The following LAMA1 variants were observed in gnomAD, a reference collection of about 807,000 sequenced individuals.
The protein encoded by LAMA1 is laminin subunit alpha 1.
A neutral mutation model predicts 348.7 loss-of-function variants in LAMA1; 219 were observed. The observed-to-expected ratio is 0.63, with a 90% CI of 0.56 to 0.70. The LOEUF (loss-of-function observed/expected upper bound fraction) is 0.70. Among genes scored for constraint, LAMA1 ranks in the 30% least tolerant of loss-of-function variants. The pLI is 0.00. For missense variants in LAMA1, 3,744 were observed against 3,888.0 expected, an observed-to-expected ratio of 0.96 and a Z score of 0.99; for synonymous variants, 1,487 against 1,491.0, an observed-to-expected ratio of 1.00 and a Z score of 0.06.
chr18:7,092,508 G>T (rs756127801), intron 1 of LAMA1, among the ~76,000 whole-genome samples: 1 of 151,694 alleles, frequency 6.6e-6, no homozygotes, highest in Non-Finnish European at 1.5e-5. Flanking sequence ...CACTGTAGTC[G>T]CCGCTACTCG....
chr18:6,980,591 A>C lies in LAMA1; in HGVS notation c.5937T>G (p.Phe1979Leu). The C allele has an allele frequency of 6.2e-7, 1 of 1,613,580 alleles. No homozygotes were observed. The change falls in exon 42 of 63, where the codon TTT (phenylalanine) becomes TTG (leucine). Residue 1979 changes from phenylalanine (F) to leucine (L), a missense_variant. This residue lies in a region of LAMA1 where 1,983 missense variants were observed against 1,934.3 expected (regional missense o/e 1.03). Transcript: ENST00000389658. ...LSELRNKTNR[F>L]QENAVEITRQ... Reference sequence around the variant, plus strand: ...TGGTAATTTCAACAGCATTCTCTTGAAATCTGTTTGTCTTATTTCTCAATT... The same window carrying C: ...TGGTAATTTCAACAGCATTCTCTTGCAATCTGTTTGTCTTATTTCTCAATT...
chr18:7,023,496 T>A, intron 18 of LAMA1, 121 bp from the exon 19 acceptor site: 1 of 844,818 alleles, frequency 1.2e-6, no homozygotes, highest in Non-Finnish European at 2.0e-6. Flanking sequence ...AGATTTACTG[T>A]GAAAGGGATA....
At chr18:7,002,236 C>A in intron 30 of LAMA1, 28 bp downstream of exon 30, 1 of 1,608,398 alleles carries the variant, frequency 6.2e-7, no homozygotes, top group Non-Finnish European at 8.5e-7. Context: ...GGCAGCCCAG[C>A]ATGCCAGCTG....
At chr18:6,963,822 C>T (rs2057620175) in intron 51 of LAMA1, 2 of 152,144 alleles carry the variant, frequency 1.3e-5, no homozygotes, top group South Asian at 4.1e-4. Context: ...GGACAATGAA[C>T]CAGCCACACA....
At chr18:7,114,656 G>A (rs1001758628) in intron 1 of LAMA1, among the ~76,000 whole-genome samples, 8 of 152,056 alleles carry the variant, frequency 5.3e-5, no homozygotes, top group African/African-American at 1.4e-4. Context: ...TAAAACACAC[G>A]TTATGTCCCC....
At chr18:7,080,196 A>G (rs2058187268) in intron 2 of LAMA1, 91 bp downstream of exon 2, 6 of 1,590,804 alleles carry the variant, frequency 3.8e-6, no homozygotes, top group African/African-American at 2.7e-5. Context: ...GGTGAACACA[A>G]TGTTTATGGC....
At chr18:6,976,147 A>C (rs2057681242) in intron 44 of LAMA1, 67 bp from the exon 45 acceptor site, 2 of 1,495,042 alleles carry the variant, frequency 1.3e-6, no homozygotes, top group Non-Finnish European at 1.9e-6. Flanking sequence ...CCAGCAGCTC[A>C]ACAATGCTAT....
At chr18:7,045,760 T>G (rs1240524451) in intron 6 of LAMA1, among the ~76,000 whole-genome samples, 1 of 152,038 alleles carries the variant, frequency 6.6e-6, no homozygotes, top group African/African-American at 2.4e-5. Context: ...GGTTTTGCCA[T>G]GTTGGCCAGA....
Position 6,953,243 on chromosome 18 carries a change from T to C in LAMA1, c.8207+2110A>G, listed in dbSNP as rs537858825. Among the ~76,000 whole-genome samples, 68 of 152,382 alleles carry C rather than the reference T, an allele frequency of 4.5e-4. 2 individuals carry two copies. Among genetic ancestry groups the C allele is most frequent in the Admixed American group, 7.8e-4 (12 of 15,304 alleles). The stretch of plus-strand genomic sequence containing the variant: ...CCACACCATAGGAGCCATGGGCCCA[T>C]TGGTCACTTTATAGCTGTCTAGGTT... On this transcript the variant is annotated intron_variant, in intron 57 of 62. Transcript: ENST00000389658.
At chr18:7,053,764 A>C (rs574325048) in intron 3 of LAMA1, among the ~76,000 whole-genome samples, 50 of 149,414 alleles carry the variant, frequency 3.3e-4, no homozygotes, top group Non-Finnish European at 6.8e-4. Flanking sequence ...TTTTATGACA[A>C]CTCCCTCATT....
intron 1 of LAMA1, among the ~76,000 whole-genome samples, chr18:7,090,163 C>T (rs1261973516): frequency 6.6e-6 from 1 of 152,132 alleles, no homozygotes; most frequent in East Asian, 1.9e-4. Context: ...AATTCTGTTT[C>T]CAGTTATTTG....
intron 1 of LAMA1, among the ~76,000 whole-genome samples, chr18:7,084,644 A>G (rs2058207653): frequency 6.6e-6 from 1 of 152,108 alleles, no homozygotes; most frequent in African/African-American, 2.4e-5. Flanking sequence ...ATTCCTTCTC[A>G]CTCACTAGCA....
At position 6,948,447 on chromosome 18, in the gene LAMA1, G is replaced by T; in HGVS notation, c.8666C>A (p.Ala2889Asp). ...AFTVNRCYAV[A>D]QEGTYFDGSG... Reference sequence around the variant, plus strand: ...TCCGTCAAAGTATGTTCCTTCCTGGGCCACTGCGTAGCACCTGTTCACCGT... The same window carrying T: ...TCCGTCAAAGTATGTTCCTTCCTGGTCCACTGCGTAGCACCTGTTCACCGT... The change falls in exon 60 of 63, where the codon GCC (alanine) becomes GAC (aspartate). Residue 2889 changes from alanine to aspartate, a missense_variant. Physicochemically the swap from Ala to Asp is moderately radical, Grantham distance 126. This residue lies in a region of LAMA1 where 232 missense variants were observed against 264.4 expected (regional missense o/e 0.88). Transcript: ENST00000389658. 3 of 1,614,122 alleles carry T rather than the reference G, an allele frequency of 1.9e-6. No homozygotes were observed. The highest frequency in any genetic ancestry group is 2.5e-6 in the Non-Finnish European group (3 of 1,180,028).
intron 3 of LAMA1, among the ~76,000 whole-genome samples, chr18:7,059,858 G>C (rs2058096049): frequency 1.3e-5 from 2 of 152,232 alleles, no homozygotes; most frequent in Non-Finnish European, 2.9e-5. Flanking sequence ...ACAGTTAAGT[G>C]CATTTGATAA....
At chr18:7,106,928 C>T (rs916202831) in intron 1 of LAMA1, among the ~76,000 whole-genome samples, 5 of 151,956 alleles carry the variant, frequency 3.3e-5, no homozygotes, top group South Asian at 2.1e-4. Context: ...AAGCTGACCC[C>T]GCACCTCCAA....
chr18:7,031,817 A>C (rs2057970455), intron 16 of LAMA1, among the ~76,000 whole-genome samples: 1 of 151,906 alleles, frequency 6.6e-6, no homozygotes, highest in Non-Finnish European at 1.5e-5. Flanking sequence ...ATATTAATCT[A>C]ATAAAAAGAA....
chr18:7,015,568 C>G (rs1454923359), intron 22 of LAMA1, among the ~76,000 whole-genome samples, 154 bp downstream of exon 22: 1 of 150,648 alleles, frequency 6.6e-6, no homozygotes, highest in Admixed American at 6.6e-5. Context: ...GTGTGAGCCA[C>G]TGTGCCTGGC....
intron 30 of LAMA1, among the ~76,000 whole-genome samples, chr18:7,001,160 C>T (rs13381425): frequency 0.088 from 13,370 of 152,164 alleles, 733 homozygotes; most frequent in African/African-American, 0.15. Context: ...AAAATGGCAT[C>T]ACACTCCATA....
intron 61 of LAMA1, among the ~76,000 whole-genome samples, chr18:6,943,955 G>A (rs1001132366): frequency 2.3e-4 from 35 of 151,862 alleles, no homozygotes; most frequent in African/African-American, 8.0e-4. Flanking sequence ...ATCCTTAAAT[G>A]AGGGCCTCAA....
Sources: gnomAD v4.1 joint callset for allele counts (sites outside exome capture counted in the v4.1 genomes callset) on GRCh38, gnomAD v4.1.1 for gene constraint, gnomAD v4.1.1 regional missense constraint, MANE v1.5 for transcripts, NCBI Gene and HGNC (gene_info 2026-07-23, HGNC 2026-07-21) for gene names.